BTD: variants seen among roughly 807,000 people sequenced by gnomAD.
BTD encodes biotinidase.
A neutral mutation model predicts 17.7 loss-of-function variants in BTD; 13 were observed. The observed-to-expected ratio is 0.74, with a 90% CI of 0.48 to 1.17. The LOEUF is 1.17. BTD is among the 50% of genes most tolerant of loss of function. The probability of loss-of-function intolerance (pLI) is 0.00; values close to 1 mark genes in which losing one functional copy is unlikely to be tolerated. For missense variants in BTD, 674 were observed against 650.4 expected, an observed-to-expected ratio of 1.04 and a Z score of -0.39; for synonymous variants, 240 against 245.2, an observed-to-expected ratio of 0.98 and a Z score of 0.20.
chr3:15,678,523 T>C (rs191636348), intron 3 of BTD, among the ~76,000 whole-genome samples: 7 of 152,354 alleles, frequency 4.6e-5, no homozygotes, highest in Non-Finnish European at 7.3e-5. Flanking sequence ...ATTTCTCTCA[T>C]AGAAATTTGT....
At chr3:15,630,163 C>G (rs1013597992) in intron 1 of BTD, 7 of 786,590 alleles carry the variant, frequency 8.9e-6, no homozygotes, top group Non-Finnish European at 1.5e-6. Flanking sequence ...TCTTGAAAGT[C>G]AGATGCTTTC....
intron 3 of BTD, among the ~76,000 whole-genome samples, chr3:15,695,384 T>TA (rs1296095643): frequency 6.6e-6 from 1 of 152,148 alleles, no homozygotes; most frequent in African/African-American, 2.4e-5. Context: ...ACGTCAAATC[T>TA]ATATACATAG....
rs191837475 is a variant in BTD at position 15,638,503 on chromosome 3, G to A, written c.249+2815G>A. Among the ~76,000 whole-genome samples the A allele has an allele frequency of 1.7e-3, 253 of 152,248 alleles. 2 individuals are homozygous for A. The highest frequency in any genetic ancestry group is 5.8e-3 in the African/African-American group (242 of 41,528). On this transcript the variant is annotated intron_variant, in intron 2 of 3. Transcript: ENST00000643237. ...AAGTGACCAAGCCACATGTACTAAG[G>A]GTTGAAATCAAAGATATGTACAGGG...
intron 4 of BTD, among the ~76,000 whole-genome samples, chr3:15,721,484 A>G (rs2073723613): frequency 6.6e-6 from 1 of 152,244 alleles, no homozygotes; most frequent in Non-Finnish European, 1.5e-5. Context: ...ATCATAAAAA[A>G]TGAACACAAA....
In BTD at chr3:15,652,805, AT is replaced by A. The variant is rs778504098; in HGVS notation, c.*7318del. On this transcript the variant is annotated 3_prime_UTR_variant, in exon 4 of 4. Transcript: ENST00000643237. ...TACAGGTATCTCTCCCACTATATAT[AT>A]ATCAAGTGCTATTAGTGGCTATTAT... Among the ~76,000 whole-genome samples the A allele has an allele frequency of 1.2e-4, 18 of 152,202 alleles. No individual in the cohort carries two copies. The highest frequency in any genetic ancestry group is 5.9e-5 in the Non-Finnish European group (4 of 68,044).
intron 1 of BTD, chr3:15,606,380 CTAAT>C (rs1312479186): frequency 6.6e-6 from 1 of 152,190 alleles, no homozygotes; most frequent in African/African-American, 2.4e-5. Flanking sequence ...GCATGAGTTA[CTAAT>C]TAAACATATG....
intron 3 of BTD, chr3:15,684,827 A>G (rs2067922176): frequency 5.9e-6 from 1 of 169,272 alleles, no homozygotes; most frequent in African/African-American, 2.4e-5. Flanking sequence ...GGAAATAAGG[A>G]TCTAAGAAAA....
chr3:15,601,984 G>C, intron 1 of BTD, 90 bp downstream of exon 1: 1 of 1,571,510 alleles, frequency 6.4e-7, no homozygotes, highest in Admixed American at 1.8e-5. Context: ...GACTTGGGGA[G>C]GGCTGCGCAA....
At chr3:15,685,329 A>C (rs768813020) in intron 3 of BTD, 2 of 1,614,008 alleles carry the variant, frequency 1.2e-6, no homozygotes, top group East Asian at 4.5e-5. Context: ...CAAGAACACC[A>C]ATGTGTCCAC....
At chr3:15,674,220 A>G (rs1210318219) in intron 3 of BTD, among the ~76,000 whole-genome samples, 2 of 148,802 alleles carry the variant, frequency 1.3e-5, no homozygotes, top group Non-Finnish European at 3.0e-5. Flanking sequence ...GAAATTCAAG[A>G]GTAACATGTT....
exon 4 of BTD, chr3:15,711,269 C>T: frequency 6.2e-7 from 1 of 1,610,028 alleles, no homozygotes; most frequent in Admixed American, 1.7e-5. Flanking sequence ...GTATCTATAT[C>T]AAATCCTACA....
chr3:15,617,347 C>T (rs780831806), intron 1 of BTD, among the ~76,000 whole-genome samples: 2 of 151,974 alleles, frequency 1.3e-5, no homozygotes, highest in Non-Finnish European at 2.9e-5. Context: ...CTTTTTTGTC[C>T]AACACAAGAT....
chr3:15,617,866 CTTGAAG>C (rs1559581931), intron 1 of BTD, among the ~76,000 whole-genome samples: 1 of 152,174 alleles, frequency 6.6e-6, no homozygotes, highest in African/African-American at 2.4e-5. Context: ...TTTATAATGT[CTTGAAG>C]TTGGTAGTGT....
intron 3 of BTD, among the ~76,000 whole-genome samples, chr3:15,707,310 G>T (rs2071589534): frequency 1.3e-5 from 2 of 152,134 alleles, no homozygotes; most frequent in Non-Finnish European, 2.9e-5. Flanking sequence ...AACTTTAGGT[G>T]AATATTATTA....
chr3:15,644,382 A>C lies in BTD; in HGVS notation c.466A>C (p.Lys156Gln). 6.2e-7 allele frequency: 1 copy of C among 1,614,122 alleles called. No individual in the cohort carries two copies. Among genetic ancestry groups the C allele is most frequent in the Non-Finnish European group, 8.5e-7 (1 of 1,180,018 alleles). ...GTTCTTGGTGGCCAATCTTGGGACA[A>C]AGGAGCCTTGTCATAGCAGTGACCC... ...DMFLVANLGT[K>Q]EPCHSSDPRC... Residue 156 changes from lysine (K) to glutamine (Q), a missense_variant, in exon 4 of 4, where the codon AAG becomes CAG. Physicochemically the swap from Lys to Gln is moderately conservative, Grantham distance 53. Coordinates refer to ENST00000643237, the MANE Select transcript of BTD (RefSeq NM_001370658.1).
Position 15,645,670 on chromosome 3 carries a change from T to A in BTD, c.*182T>A. ...GAGGCAGATTCCCTCAGTGTCTTCC[T>A]CTTAAACCTCAATCATCGAGACATT... On this transcript the variant is annotated 3_prime_UTR_variant, in exon 4 of 4. Coordinates refer to ENST00000643237, the MANE Select transcript of BTD (RefSeq NM_001370658.1). 1.6e-6 allele frequency: 1 copy of A among 631,004 alleles called. No homozygotes were observed. The highest frequency in any genetic ancestry group is 2.8e-5 in the East Asian group (1 of 36,346). The allele number at this position is 631,004 out of a possible 1,614,324, so 39.1% of individuals were successfully genotyped here.
chr3:15,702,843 A>G (rs2070810686), intron 3 of BTD, among the ~76,000 whole-genome samples: 2 of 151,906 alleles, frequency 1.3e-5, no homozygotes, highest in African/African-American at 4.8e-5. Flanking sequence ...CCCTGGCCCA[A>G]AAAATCAGTT....
intron 4 of BTD, among the ~76,000 whole-genome samples, chr3:15,721,758 T>A (rs1472446262): frequency 1.3e-5 from 2 of 152,206 alleles, no homozygotes; most frequent in African/African-American, 4.8e-5. Context: ...GCTTTTCTTT[T>A]TTTTGAGACA....
intron 3 of BTD, among the ~76,000 whole-genome samples, chr3:15,686,946 CTTT>C (rs368116430): frequency 2.1e-5 from 3 of 140,980 alleles, no homozygotes; most frequent in Non-Finnish European, 1.6e-5. Context: ...CCTGATATTG[CTTT>C]TTTTTTTTTT....
Sources: allele counts gnomAD v4.1 joint callset (sites outside exome capture counted in the v4.1 genomes callset), GRCh38; gene constraint gnomAD v4.1.1; transcripts MANE v1.5; gene names NCBI Gene and HGNC (gene_info 2026-07-23, HGNC 2026-07-21).